RIMS1: variants seen among roughly 807,000 people sequenced by gnomAD.
The protein encoded by RIMS1 is regulating synaptic membrane exocytosis protein 1.
A neutral mutation model predicts 214.1 loss-of-function variants in RIMS1; 83 were observed. The observed-to-expected ratio is 0.39, with a 90% CI of 0.32 to 0.47. The LOEUF is 0.47. RIMS1 is among the 20% of genes least tolerant of loss of function. RIMS1 has a pLI of 0.99. For missense variants in RIMS1, 2,050 were observed against 2,161.8 expected, an observed-to-expected ratio of 0.95 and a Z score of 1.03; for synonymous variants, 793 against 786.8, an observed-to-expected ratio of 1.01 and a Z score of -0.13.
intron 2 of RIMS1, among the ~76,000 whole-genome samples, chr6:72,002,889 C>T (rs141064863): frequency 1.3e-3 from 199 of 152,314 alleles, no homozygotes; most frequent in Middle Eastern, 6.8e-3. Flanking sequence ...AATAAAGACT[C>T]AGTGGAGTAA....
chr6:72,112,157 T>A (rs1360096886), intron 4 of RIMS1, among the ~76,000 whole-genome samples: 1 of 152,064 alleles, frequency 6.6e-6, no homozygotes, highest in African/African-American at 2.4e-5. Flanking sequence ...TGGCCTTTCC[T>A]CCCCCTGCAT....
intron 1 of RIMS1, among the ~76,000 whole-genome samples, chr6:71,928,498 A>G (rs925463127): frequency 6.6e-6 from 1 of 152,222 alleles, no homozygotes; most frequent in South Asian, 2.1e-4. Context: ...TATGGAGGGT[A>G]TATTAAAATC....
intron 29 of RIMS1, among the ~76,000 whole-genome samples, chr6:72,340,617 GCT>G (rs1382023498): frequency 1.3e-5 from 2 of 152,020 alleles, no homozygotes; most frequent in East Asian, 3.9e-4. Context: ...TTATGCGAGG[GCT>G]CTGTTCTGTT....
chr6:72,051,460 G>A (rs72931445), intron 2 of RIMS1, among the ~76,000 whole-genome samples: 1 of 152,132 alleles, frequency 6.6e-6, no homozygotes, highest in South Asian at 2.1e-4. Flanking sequence ...CTAGTAAGTG[G>A]TAGAGCCAGA....
At chr6:71,979,182 G>T (rs146055468) in intron 2 of RIMS1, among the ~76,000 whole-genome samples, 2 of 152,064 alleles carry the variant, frequency 1.3e-5, no homozygotes, top group Admixed American at 6.6e-5. Context: ...TGGAAGAGTA[G>T]AACTTAAGTA....
intron 29 of RIMS1, among the ~76,000 whole-genome samples, chr6:72,389,923 C>T (rs1311092337): frequency 1.3e-5 from 2 of 152,220 alleles, no homozygotes; most frequent in Admixed American, 6.5e-5. Flanking sequence ...TGGAGGTGTA[C>T]ACCCCAAACT....
chr6:72,081,407 T>C (rs1833361378), intron 2 of RIMS1, among the ~76,000 whole-genome samples: 1 of 152,168 alleles, frequency 6.6e-6, no homozygotes, highest in Non-Finnish European at 1.5e-5. Flanking sequence ...TCTGACACAG[T>C]CTATTGAATT....
At chr6:71,903,166 T>A (rs1023701571) in intron 1 of RIMS1, among the ~76,000 whole-genome samples, 1 of 152,160 alleles carries the variant, frequency 6.6e-6, no homozygotes, top group Non-Finnish European at 1.5e-5. Context: ...CATTCCTTTT[T>A]CTCTGCAACC....
At chr6:72,152,512 A>G (rs1038116622) in intron 4 of RIMS1, among the ~76,000 whole-genome samples, 3 of 151,978 alleles carry the variant, frequency 2.0e-5, no homozygotes, top group South Asian at 2.1e-4. Flanking sequence ...TGTATCACCA[A>G]CTTTGGATTT....
intron 4 of RIMS1, among the ~76,000 whole-genome samples, chr6:72,142,934 G>T (rs890135855): frequency 1.3e-5 from 2 of 152,156 alleles, no homozygotes; most frequent in African/African-American, 4.8e-5. Context: ...ATTAGAAGTA[G>T]AGAAATTTAT....
chr6:72,345,446 C>CA (rs148392874), intron 29 of RIMS1, among the ~76,000 whole-genome samples: 28,698 of 151,516 alleles, frequency 0.19, 3,439 homozygotes, highest in Middle Eastern at 0.27. Flanking sequence ...CTTCAATTCA[C>CA]AAAAAACAGC....
At chr6:71,943,831 C>G (rs1304320555) in intron 1 of RIMS1, among the ~76,000 whole-genome samples, 1 of 152,110 alleles carries the variant, frequency 6.6e-6, no homozygotes, top group African/African-American at 2.4e-5. Context: ...TGAGTGGAAG[C>G]CCTCACATGT....
chr6:72,334,010 G>A (rs1419692368), intron 29 of RIMS1, among the ~76,000 whole-genome samples, 175 bp downstream of exon 29: 3 of 151,722 alleles, frequency 2.0e-5, no homozygotes, highest in African/African-American at 7.3e-5. Flanking sequence ...TTTCTGTACA[G>A]CTCTCTTCAC....
At chr6:72,203,525 C>G (rs750078121) in intron 6 of RIMS1, among the ~76,000 whole-genome samples, 1 of 152,076 alleles carries the variant, frequency 6.6e-6, no homozygotes, top group Non-Finnish European at 1.5e-5. Flanking sequence ...CCAGAGGTTA[C>G]AGGTTGAGGG....
chr6:72,300,838 G>A (rs971533720), intron 26 of RIMS1, among the ~76,000 whole-genome samples: 2 of 151,656 alleles, frequency 1.3e-5, no homozygotes, highest in Admixed American at 6.6e-5. Flanking sequence ...CCTGAGCTTC[G>A]TTTTAGATAG....
At chr6:72,356,494 T>A (rs2097649531) in intron 29 of RIMS1, among the ~76,000 whole-genome samples, 2 of 152,148 alleles carry the variant, frequency 1.3e-5, no homozygotes, top group East Asian at 1.9e-4. Flanking sequence ...CACGGTGGCT[T>A]ACACCTGTAA....
At chr6:71,946,797 T>C (rs1024567696) in intron 1 of RIMS1, among the ~76,000 whole-genome samples, 1 of 151,390 alleles carries the variant, frequency 6.6e-6, no homozygotes, top group African/African-American at 2.4e-5. Flanking sequence ...TGGGATGATA[T>C]CAAGCTAAAA....
At position 71,931,181 on chromosome 6, in the gene RIMS1, G is replaced by A. The variant is rs140665996; in HGVS notation, c.165-37802G>A. Among the ~76,000 whole-genome samples, 665 of 151,920 alleles carry A rather than the reference G, an allele frequency of 4.4e-3. 9 individuals carry two copies. The highest frequency in any genetic ancestry group is 0.035 in the Admixed American group (533 of 15,238). On this transcript the variant is annotated intron_variant, in intron 1 of 33. Transcript: ENST00000521978. ...CATCAAATTATTTTGCATTTAAAGC[G>A]GTCATGTAAGACCTCAGGAGAAATA... is the stretch of plus-strand genomic sequence containing the variant.
chr6:71,959,906 A>T (rs1351539301), intron 1 of RIMS1, among the ~76,000 whole-genome samples: 1 of 152,118 alleles, frequency 6.6e-6, no homozygotes, highest in Non-Finnish European at 1.5e-5. Flanking sequence ...TTTTAAACTC[A>T]CAAAGCACCA....
Sources: gnomAD v4.1 joint callset for allele counts (sites outside exome capture counted in the v4.1 genomes callset) on GRCh38, gnomAD v4.1.1 for gene constraint, MANE v1.5 for transcripts, NCBI Gene and HGNC (gene_info 2026-07-23, HGNC 2026-07-21) for gene names.